Variants in WDR87 observed in about 807,000 individuals in gnomAD.
WDR87 encodes the protein WD repeat-containing protein 87.
In WDR87, 56 loss-of-function variants were observed where a neutral mutation model predicts 83.3. The observed-to-expected ratio is 0.67, with a 90% CI of 0.54 to 0.84. The LOEUF (loss-of-function observed/expected upper bound fraction) is 0.84, where lower values mean the gene tolerates loss of function less well. Ranked by LOEUF, WDR87 falls within the 40% of genes least tolerant of loss-of-function variation. The probability of loss-of-function intolerance (pLI) is 0.00; values close to 1 mark genes in which losing one functional copy is unlikely to be tolerated. For synonymous variants in WDR87, 1,173 were observed against 1,250.6 expected (o/e 0.94, Z 1.31); for missense variants, 2,939 against 3,431.9 (o/e 0.86, Z 3.59).
chr19:37,885,145 C>T lies in WDR87; in HGVS notation c.8526G>A (p.Leu2842=), dbSNP rs1419774010. 2.7e-6 allele frequency: 4 copies of T among 1,463,944 alleles called. No individual in the cohort carries two copies. The highest frequency in any genetic ancestry group is 5.6e-5 in the Admixed American group (2 of 35,658). 90.7% of individuals were successfully genotyped at this position (1,463,944 alleles called of 1,614,324 possible). A position where few individuals can be genotyped will look rare whatever the true frequency, so the allele number is the denominator to read the frequency against. The change falls in exon 6 of 6, where the codon CTG becomes CTA. Residue 2842 remains leucine, a synonymous_variant. Coordinates refer to ENST00000447313, the MANE Select transcript of WDR87 (RefSeq NM_001291088.2). Reference sequence around the variant, plus strand: ...AACTGCCACAAAACAGGCAGCAGAACAGCCGTTCCCCGGGAACTAGCTCTG... The same window carrying T: ...AACTGCCACAAAACAGGCAGCAGAATAGCCGTTCCCCGGGAACTAGCTCTG... ...KATELVPGER[L]FCCLFCGSSH...
intron 2 of WDR87, 150 bp downstream of exon 2, chr19:37,898,015 G>T: frequency 1.3e-6 from 1 of 787,346 alleles, no homozygotes; most frequent in Non-Finnish European, 1.9e-6. Flanking sequence ...CATGGAAATT[G>T]ATGGCCTACC....
intron 1 of WDR87, among the ~76,000 whole-genome samples, chr19:37,900,179 G>A (rs1363928790): frequency 6.6e-6 from 1 of 152,144 alleles, no homozygotes; most frequent in Non-Finnish European, 1.5e-5. Context: ...AGAATCCTGA[G>A]AGGCAGATAT....
chr19:37,891,801 C>T lies in WDR87; in HGVS notation c.3145G>A (p.Glu1049Lys), dbSNP rs2046207742. ...ATCCCCAGTAGATGGTCCAGGGGTTCCTCCCCGATCATCTGCTGCCTATGA... is the reference window on the plus strand; with the variant it reads ...ATCCCCAGTAGATGGTCCAGGGGTTTCTCCCCGATCATCTGCTGCCTATGA... ...REMQQQMIGE[E>K]PLDHLLGMRA... Residue 1049 changes from glutamate (E) to lysine (K), a missense_variant, in exon 5 of 6, where the codon GAA becomes AAA. By Grantham distance (56) the Glu-to-Lys change is moderately conservative (BLOSUM62 1). Coordinates refer to ENST00000447313, the MANE Select transcript of WDR87 (RefSeq NM_001291088.2). The T allele has an allele frequency of 6.4e-7, 1 of 1,551,786 alleles. No individual in the cohort carries two copies. Among genetic ancestry groups the T allele is most frequent in the Non-Finnish European group, 8.7e-7 (1 of 1,146,996 alleles).
chr19:37,892,157 A>G (rs1198727365), intron 4 of WDR87, among the ~76,000 whole-genome samples: 1 of 152,206 alleles, frequency 6.6e-6, no homozygotes, highest in East Asian at 1.9e-4. Context: ...TGGGAAGCCA[A>G]GGTGGCAGGA....
Position 37,886,720 on chromosome 19 carries a change from C to T in WDR87, c.6951G>A (p.Lys2317=). 7.0e-7 allele frequency: 1 copy of T among 1,426,696 alleles called. No homozygotes were observed. The highest frequency in any genetic ancestry group is 9.5e-7 in the Non-Finnish European group (1 of 1,049,400). The allele number at this position is 1,426,696 out of a possible 1,614,324, so 88.4% of individuals were successfully genotyped here. ...ERKEEEEGEE[K]QVEKEEEEKK... Reference sequence around the variant, plus strand: ...TCTCCTCCTCTTCTTTCTCCACTTGCTTCTCCTCCCCTTCCTCCTCCTCCT... The same window carrying T: ...TCTCCTCCTCTTCTTTCTCCACTTGTTTCTCCTCCCCTTCCTCCTCCTCCT... Residue 2317 remains lysine, a synonymous_variant, in exon 6 of 6, where the codon AAG becomes AAA. Coordinates refer to ENST00000447313, the MANE Select transcript of WDR87 (RefSeq NM_001291088.2).
At chr19:37,904,156 C>T (rs2145447081) in intron 1 of WDR87, among the ~76,000 whole-genome samples, 1 of 152,286 alleles carries the variant, frequency 6.6e-6, no homozygotes, top group Non-Finnish European at 1.5e-5. Flanking sequence ...CCCGCCTCGG[C>T]CTCCCAAAGT....
Position 37,894,946 on chromosome 19 carries a change from G to C in WDR87, c.757C>G (p.Gln253Glu). 6.4e-7 allele frequency: 1 copy of C among 1,551,674 alleles called. No homozygotes were observed. Among genetic ancestry groups the C allele is most frequent in the Non-Finnish European group, 8.7e-7 (1 of 1,146,998 alleles). The change falls in exon 4 of 6, where the codon CAG (glutamine) becomes GAG (glutamate). Residue 253 changes from glutamine (Q) to glutamate (E), a missense_variant. By Grantham distance (29) the Gln-to-Glu change is conservative. Coordinates refer to ENST00000447313, the MANE Select transcript of WDR87 (RefSeq NM_001291088.2). ...SITCCFTCFD[Q>E]GFLYAGNQAG... ...TGGTTTCCAGCATAGAGAAAGCCCT[G>C]ATCAAAACAGGTGAAGCAGCAGGTG...
At position 37,895,306 on chromosome 19, in the gene WDR87, A is replaced by G; in HGVS notation, c.397T>C (p.Phe133Leu). ...VYCGDLILRL[F>L]GDHFRAFKPL... ...TTGAATGCCCGAAAGTGGTCCCCAA[A>G]GAGTCGCAGGATCAGGTCACCACAG... Residue 133 changes from phenylalanine to leucine, a missense_variant, in exon 4 of 6, where the codon TTT becomes CTT. This residue lies in a region of WDR87 where 226 missense variants were observed against 320.9 expected (regional missense o/e 0.70). Transcript: ENST00000447313. 1 of 1,551,708 alleles carries G rather than the reference A, an allele frequency of 6.4e-7. No individual in the cohort carries two copies. The highest frequency in any genetic ancestry group is 8.7e-7 in the Non-Finnish European group (1 of 1,146,996).
chr19:37,905,585 C>G (rs1469274969), intron 1 of WDR87, among the ~76,000 whole-genome samples: 1 of 148,830 alleles, frequency 6.7e-6, no homozygotes, highest in Non-Finnish European at 1.5e-5. Context: ...TTTAAAGAGA[C>G]AGGGTTCTGC....
At position 37,896,252 on chromosome 19, in the gene WDR87, T is replaced by C. The variant is rs1386214235; in HGVS notation, c.132A>G (p.Val44=). The part of the protein sequence containing the change: ...CLIVLSDRSQ[V]LFKESRYPQN... ...GAGGATAGCGAGACTCTTTGAACAGTACCTGGGACCGGTCACTCAGCACAA... is the reference window on the plus strand; with the variant it reads ...GAGGATAGCGAGACTCTTTGAACAGCACCTGGGACCGGTCACTCAGCACAA... Residue 44 remains valine (V), a synonymous_variant, in exon 3 of 6, where the codon GTA becomes GTG. Coordinates refer to ENST00000447313, the MANE Select transcript of WDR87 (RefSeq NM_001291088.2). 1 of 1,552,090 alleles carries C rather than the reference T, an allele frequency of 6.4e-7. No homozygotes were observed. Among genetic ancestry groups the C allele is most frequent in the Non-Finnish European group, 8.7e-7 (1 of 1,147,076 alleles).
chr19:37,891,517 A>G lies in WDR87; in HGVS notation c.3394+35T>C, dbSNP rs1018827135. On this transcript the variant is annotated intron_variant, in intron 5 of 5. Transcript: ENST00000447313. Reference sequence around the variant, plus strand: ...ACCCTAACTACCCTGCCTCTTGGGGACCCTGAGGCACAGACCAGATTACCC... The same window carrying G: ...ACCCTAACTACCCTGCCTCTTGGGGGCCCTGAGGCACAGACCAGATTACCC... The G allele has an allele frequency of 3.2e-6, 5 of 1,545,234 alleles. No homozygotes were observed. In the African/African-American group the frequency reaches 5.5e-5, roughly 17 times the overall value.
chr19:37,893,404 A>G lies in WDR87; in HGVS notation c.2299T>C (p.Tyr767His). ...SPVLLRSSMH[Y>H]SLQDMEDWMQ... ...CAATCTTCCATGTCCTGCAAAGAAT[A>G]ATGCATGGAGGAACGCAGTAACACT... The change falls in exon 4 of 6, where the codon TAT (tyrosine) becomes CAT (histidine). Residue 767 changes from tyrosine (Y) to histidine (H), a missense_variant. Tyr to His is a moderately conservative substitution (Grantham distance 83, BLOSUM62 2). Transcript: ENST00000447313. The G allele has an allele frequency of 1.3e-6, 2 of 1,552,196 alleles. No homozygotes were observed. The highest frequency in any genetic ancestry group is 1.7e-6 in the Non-Finnish European group (2 of 1,147,110).
At position 37,893,329 on chromosome 19, in the gene WDR87, G is replaced by A. The variant is rs11669466; in HGVS notation, c.2374C>T (p.Leu792=). 2 of 1,551,776 alleles carry A rather than the reference G, an allele frequency of 1.3e-6. No individual in the cohort carries two copies. The highest frequency in any genetic ancestry group is 1.7e-6 in the Non-Finnish European group (2 of 1,146,922). The part of the protein sequence containing the change: ...YQCHYVLPPQ[L]QLTSWDGLNP... ...AGTCCATCCCAGCTAGTCAGTTGTAGCTGGGGAGGAAGCACATAATGGCAT... is the reference window on the plus strand; with the variant it reads ...AGTCCATCCCAGCTAGTCAGTTGTAACTGGGGAGGAAGCACATAATGGCAT... The change falls in exon 4 of 6, where the codon CTA becomes TTA. Residue 792 remains leucine (L), a synonymous_variant. Coordinates refer to ENST00000447313, the MANE Select transcript of WDR87 (RefSeq NM_001291088.2).
Position 37,885,883 on chromosome 19 carries a change from G to A in WDR87, c.7788C>T (p.Ala2596=), listed in dbSNP as rs1372855823. The A allele has an allele frequency of 7.1e-6, 11 of 1,552,278 alleles. No homozygotes were observed. The Admixed American group carries it at 2.2e-4, about 30-fold the overall frequency. The part of the protein sequence containing the change: ...HRLCQLLKDL[A]SKGNLEWLHL... The stretch of plus-strand genomic sequence containing the variant: ...GCAGCCATTCTAAGTTTCCCTTTGA[G>A]GCAAGGTCTTTGAGCAGCTGGCACA... The change falls in exon 6 of 6, where the codon GCC becomes GCT. Residue 2596 remains alanine (A), a synonymous_variant. Transcript: ENST00000447313.
rs1394674481 is a variant in WDR87 at position 37,896,132 on chromosome 19, TCTTA to T, written c.246+2_246+5del. 16 of 1,552,036 alleles carry T rather than the reference TCTTA, an allele frequency of 1.0e-5. No individual in the cohort carries two copies. Among genetic ancestry groups the T allele is most frequent in the Non-Finnish European group, 1.2e-5 (14 of 1,147,078 alleles). On this transcript the variant is annotated splice_donor_variant and splice_donor_5th_base_variant and intron_variant, in intron 3 of 5. Coordinates refer to ENST00000447313, the MANE Select transcript of WDR87 (RefSeq NM_001291088.2). LOFTEE classifies it high-confidence loss of function. ...GGGCCAAGAAGGGTAAGAAAGGCAG[TCTTA>T]CTTGTATTTCTTTTGTGTTTGATGT...
rs1568448252 is a variant in WDR87, at chr19:37,886,672, C to G, written c.6999G>C (p.Lys2333Asn). Residue 2333 changes from lysine to asparagine, a missense_variant, in exon 6 of 6, where the codon AAG becomes AAC. Physicochemically the swap from Lys to Asn is moderately conservative, Grantham distance 94 (BLOSUM62 0). Coordinates refer to ENST00000447313, the MANE Select transcript of WDR87 (RefSeq NM_001291088.2). The part of the protein sequence containing the change: ...EEEKKKKKKE[K>N]KKEEVQEKEE... ...CCTTCTCCTGAACCTCCTCCTTCTTCTTTTCCTTTTTCTTCTTCTTCTTCT... is the reference window on the plus strand; with the variant it reads ...CCTTCTCCTGAACCTCCTCCTTCTTGTTTTCCTTTTTCTTCTTCTTCTTCT... 1.3e-6 allele frequency: 2 copies of G among 1,492,440 alleles called. No individual in the cohort carries two copies. 92.4% of individuals were successfully genotyped at this position (1,492,440 alleles called of 1,614,324 possible). A position where few individuals can be genotyped will look rare whatever the true frequency, so the allele number is the denominator to read the frequency against.
At chr19:37,891,880 A>G (rs1370634398) in intron 4 of WDR87, 60 bp from the exon 5 acceptor site, 1 of 1,519,988 alleles carries the variant, frequency 6.6e-7, no homozygotes, top group African/African-American at 1.4e-5. Flanking sequence ...GGAGAATGGG[A>G]AGCAAAAAAC....
intron 1 of WDR87, among the ~76,000 whole-genome samples, chr19:37,899,219 G>T (rs532059649): frequency 4.3e-4 from 65 of 152,110 alleles, no homozygotes; most frequent in African/African-American, 1.4e-3. Flanking sequence ...AAGAGTTCGA[G>T]ACTAGCCTGG....
Position 37,885,018 on chromosome 19 carries a change from T to C in WDR87, c.8653A>G (p.Ile2885Val). ...AGGCTCTTCCAGGCAAGTTCTAAGA[T>C]CCCATACCGGGCAATGCCCACGGGA... ...ILPVGIARYG[I>V]LELAWKSLPE... Residue 2885 changes from isoleucine (I) to valine (V), a missense_variant, in exon 6 of 6, where the codon ATC (isoleucine) becomes GTC (valine). Physicochemically the swap from Ile to Val is conservative, Grantham distance 29. Transcript: ENST00000447313. 1.4e-6 allele frequency: 2 copies of C among 1,429,546 alleles called. No individual in the cohort carries two copies. Among genetic ancestry groups the C allele is most frequent in the Non-Finnish European group, 1.8e-6 (2 of 1,089,088 alleles). 88.6% of individuals were successfully genotyped at this position (1,429,546 alleles called of 1,614,324 possible).
Sources: gnomAD v4.1 joint callset for allele counts (sites outside exome capture counted in the v4.1 genomes callset) on GRCh38, gnomAD v4.1.1 for gene constraint, gnomAD v4.1.1 regional missense constraint, MANE v1.5 for transcripts, NCBI Gene and HGNC (gene_info 2026-07-23, HGNC 2026-07-21) for gene names.